The following RFX4 variants were observed in gnomAD, a reference collection of about 807,000 sequenced individuals.
The protein encoded by RFX4 is regulatory factor X4.
In RFX4, 10 loss-of-function variants were observed where a neutral mutation model predicts 95.0. The observed-to-expected ratio is 0.11, with a 90% CI of 0.06 to 0.18. The LOEUF is 0.18. Ranked by LOEUF, RFX4 falls within the 10% of genes least tolerant of loss-of-function variation. The pLI is 1.00. For synonymous variants in RFX4, 321 were observed against 340.7 expected, an observed-to-expected ratio of 0.94 and a Z score of 0.64; for missense variants, 640 against 922.0, an observed-to-expected ratio of 0.69 and a Z score of 3.96.
At chr12:106,644,977 T>C (rs2040714117) in intron 3 of RFX4, among the ~76,000 whole-genome samples, 4 of 152,084 alleles carry the variant, frequency 2.6e-5, no homozygotes, top group Admixed American at 2.0e-4. Context: ...TGGCTTGTTA[T>C]TGGAATTGGG....
rs1356695311 is a variant in RFX4 at position 106,750,669 on chromosome 12, A to G, written c.1811A>G (p.Tyr604Cys). 3.1e-6 allele frequency: 5 copies of G among 1,606,584 alleles called. No homozygotes were observed. The highest frequency in any genetic ancestry group is 1.1e-5 in the South Asian group (1 of 89,958). Residue 604 changes from tyrosine to cysteine, a missense_variant, in exon 17 of 18, where the codon TAT (tyrosine) becomes TGT (cysteine). This residue lies in a region of RFX4 where 300 missense variants were observed against 346.8 expected (regional missense o/e 0.87). Transcript: ENST00000392842. Reference protein sequence around the residue: ...HREEHGYTGSYNYGSYGNQHP... With the variant: ...HREEHGYTGSCNYGSYGNQHP... ...ATGCATTTTAGATACACGGGAAGCTATAACTATGGGAGCTATGGCAACCAG... is the reference window on the plus strand; with the variant it reads ...ATGCATTTTAGATACACGGGAAGCTGTAACTATGGGAGCTATGGCAACCAG...
chr12:106,761,710 C>T lies in RFX4; in HGVS notation c.*241C>T. 1 of 192,126 alleles carries T rather than the reference C, an allele frequency of 5.2e-6. No homozygotes were observed. The highest frequency in any genetic ancestry group is 1.0e-5 in the Non-Finnish European group (1 of 96,630). The allele number at this position is 192,126 out of a possible 1,614,324, so 11.9% of individuals were successfully genotyped here. ...GTTTCTGTAGCCAAGCCAGACTTGA[C>T]TGTTTCTGTAGAGCACTATCTCGGG... is the stretch of plus-strand genomic sequence containing the variant. On this transcript the variant is annotated 3_prime_UTR_variant, in exon 18 of 18. Coordinates refer to ENST00000392842, the MANE Select transcript of RFX4 (RefSeq NM_213594.3).
chr12:106,620,843 G>C (rs1428703956), intron 2 of RFX4, among the ~76,000 whole-genome samples: 2 of 151,814 alleles, frequency 1.3e-5, no homozygotes, highest in African/African-American at 4.8e-5. Context: ...CCACCCCCCA[G>C]GAATGCATTC....
At chr12:106,618,019 G>A (rs1026151053) in intron 2 of RFX4, among the ~76,000 whole-genome samples, 11 of 151,836 alleles carry the variant, frequency 7.2e-5, no homozygotes, top group East Asian at 3.9e-4. Flanking sequence ...GAGCCACCAC[G>A]CCCAGCTGAA....
At chr12:106,613,405 C>T (rs557114375) in intron 2 of RFX4, among the ~76,000 whole-genome samples, 41 of 150,810 alleles carry the variant, frequency 2.7e-4, no homozygotes, top group Non-Finnish European at 4.7e-4. Context: ...CTCTTTTGCC[C>T]AGGCTGGAGT....
rs548896613 is a variant in RFX4 at position 106,751,996 on chromosome 12, A to G, written c.1935+1203A>G. Reference sequence around the variant, plus strand: ...GTTGCCATTGCTTTTGGTGTTTTAGACATGAAGTCCTTGCCCATGCCTATG... The same window carrying G: ...GTTGCCATTGCTTTTGGTGTTTTAGGCATGAAGTCCTTGCCCATGCCTATG... On this transcript the variant is annotated intron_variant, in intron 17 of 17. Coordinates refer to ENST00000392842, the MANE Select transcript of RFX4 (RefSeq NM_213594.3). 2.7e-3 allele frequency among the ~76,000 whole-genome samples: 391 copies of G among 142,878 alleles called. 1 individual carries two copies. Among genetic ancestry groups the G allele is most frequent in the African/African-American group, 9.5e-3 (360 of 38,064 alleles). The allele number at this position is 142,878 out of a possible 152,430, so 93.7% of individuals were successfully genotyped here.
chr12:106,644,224 T>C (rs1372957572), intron 3 of RFX4, among the ~76,000 whole-genome samples: 2 of 150,668 alleles, frequency 1.3e-5, no homozygotes, highest in Non-Finnish European at 3.0e-5. Flanking sequence ...AATGTTGCCA[T>C]TTCCCCTTTT....
rs764157155 is a variant in RFX4, at chr12:106,720,257, C to G, written c.1233+203C>G. The stretch of plus-strand genomic sequence containing the variant: ...CAGGTCAGCATCTCTTTTATCTGCT[C>G]TATACACTGAGTCTTGGTATAAGAT... On this transcript the variant is annotated intron_variant, in intron 12 of 17. Coordinates refer to ENST00000392842, the MANE Select transcript of RFX4 (RefSeq NM_213594.3). The surrounding 1 kb of genome is among the most constrained non-coding windows in gnomAD (Gnocchi z 4.2). Among the ~76,000 whole-genome samples the G allele has an allele frequency of 1.3e-5, 2 of 152,202 alleles. No homozygotes were observed. Among genetic ancestry groups the G allele is most frequent in the Non-Finnish European group, 2.9e-5 (2 of 68,032 alleles).
At chr12:106,676,913 G>T (rs529657797) in intron 4 of RFX4, among the ~76,000 whole-genome samples, 3 of 152,150 alleles carry the variant, frequency 2.0e-5, no homozygotes, top group African/African-American at 7.2e-5. Flanking sequence ...ATTCTCATTC[G>T]TCTAGAAGCA....
At position 106,606,404 on chromosome 12, in the gene RFX4, A is replaced by G. The variant is rs377139249; in HGVS notation, c.44-2393A>G. Reference sequence around the variant, plus strand: ...GCAAACTTTAGCAGATGCCATCTAAATGTAGCTATGGCTGCTGCCAGGGAA... The same window carrying G: ...GCAAACTTTAGCAGATGCCATCTAAGTGTAGCTATGGCTGCTGCCAGGGAA... On this transcript the variant is annotated intron_variant, in intron 1 of 17. Coordinates refer to ENST00000392842, the MANE Select transcript of RFX4 (RefSeq NM_213594.3). 2.4e-4 allele frequency among the ~76,000 whole-genome samples: 37 copies of G among 152,286 alleles called. No homozygotes were observed. In the East Asian group the frequency reaches 6.7e-3, roughly 28 times the overall value.
intron 1 of RFX4, among the ~76,000 whole-genome samples, chr12:106,607,394 G>T (rs1338242135): frequency 5.3e-5 from 8 of 152,162 alleles, no homozygotes; most frequent in Non-Finnish European, 1.0e-4. Flanking sequence ...CTTCACCTTG[G>T]AAAAGACCTG....
intron 3 of RFX4, among the ~76,000 whole-genome samples, chr12:106,643,696 C>A (rs578051977): frequency 2.6e-5 from 4 of 151,886 alleles, no homozygotes; most frequent in Non-Finnish European, 4.4e-5. Context: ...TTTCCTTTGT[C>A]TAATTTTCTT....
rs116296466 is a variant in RFX4, at chr12:106,730,253, C to A, written c.1352-1877C>A. ...GCCAGGTGCAGTTAAGGAGAAAATACATAAATTTCACCAAGGAGTGCTCCA... is the reference window on the plus strand; with the variant it reads ...GCCAGGTGCAGTTAAGGAGAAAATAAATAAATTTCACCAAGGAGTGCTCCA... On this transcript the variant is annotated intron_variant, in intron 13 of 17. Transcript: ENST00000392842. 6.9e-3 allele frequency among the ~76,000 whole-genome samples: 1,050 copies of A among 152,268 alleles called. 17 individuals carry two copies. Among genetic ancestry groups the A allele is most frequent in the African/African-American group, 0.024 (1,006 of 41,546 alleles).
At chr12:106,638,811 G>T (rs1480888159) in intron 2 of RFX4, among the ~76,000 whole-genome samples, 1 of 152,054 alleles carries the variant, frequency 6.6e-6, no homozygotes, top group South Asian at 2.1e-4. Flanking sequence ...GTGGTATGGG[G>T]GAGCTCTCTG....
intron 6 of RFX4, among the ~76,000 whole-genome samples, chr12:106,687,549 C>CAAAAAAAAAAAAAA (rs34562413): frequency 1.4e-4 from 10 of 73,912 alleles, no homozygotes; most frequent in South Asian, 4.7e-4. Context: ...AACTCCATCT[C>CAAAAAAAAAAAAAA]AAAAAAAAAA....
At chr12:106,629,328 A>G (rs2040368677) in intron 2 of RFX4, among the ~76,000 whole-genome samples, 1 of 152,196 alleles carries the variant, frequency 6.6e-6, no homozygotes, top group African/African-American at 2.4e-5. Context: ...AACCTTGTGT[A>G]TGCATCGTTT....
At chr12:106,677,846 G>A (rs2041425900) in intron 4 of RFX4, among the ~76,000 whole-genome samples, 1 of 152,248 alleles carries the variant, frequency 6.6e-6, no homozygotes, top group East Asian at 1.9e-4. Context: ...GGCAGAAAGA[G>A]AGAAGGGGCT....
At chr12:106,741,025 T>C (rs986144949) in intron 15 of RFX4, among the ~76,000 whole-genome samples, 1 of 152,112 alleles carries the variant, frequency 6.6e-6, no homozygotes, top group Non-Finnish European at 1.5e-5. Context: ...GTTGCAGAGA[T>C]AGGCAGAGGC....
intron 4 of RFX4, among the ~76,000 whole-genome samples, chr12:106,658,883 G>C (rs940133393): frequency 6.6e-6 from 1 of 152,122 alleles, no homozygotes; most frequent in Admixed American, 6.6e-5. Context: ...TATTGTGTTG[G>C]AAGCTTCTGG....
Sources: allele counts gnomAD v4.1 joint callset (sites outside exome capture counted in the v4.1 genomes callset), GRCh38; gene constraint gnomAD v4.1.1; regional missense constraint gnomAD v4.1.1; non-coding constraint Gnocchi (gnomAD v3.1); transcripts MANE v1.5; gene names NCBI Gene and HGNC (gene_info 2026-07-23, HGNC 2026-07-21).